The following NOP58 variants were observed in gnomAD, a reference collection of about 807,000 sequenced individuals.
NOP58 encodes the protein NOP58 ribonucleoprotein.
NOP58 carries 44 observed loss-of-function variants against 71.2 expected under a neutral mutation model. The observed-to-expected ratio is 0.62, with a 90% CI of 0.49 to 0.79. The LOEUF is 0.79. Among genes scored for constraint, NOP58 ranks in the 30% least tolerant of loss-of-function variants. The probability of loss-of-function intolerance (pLI) is 0.00; values close to 1 mark genes in which losing one functional copy is unlikely to be tolerated. For missense variants in NOP58, 538 were observed against 620.2 expected (o/e 0.87, Z 1.41); for synonymous variants, 228 against 200.3 (o/e 1.14, Z -1.17).
At chr2:202,267,822 A>G (rs1341551732) in intron 1 of NOP58, among the ~76,000 whole-genome samples, 1 of 152,228 alleles carries the variant, frequency 6.6e-6, no homozygotes, top group Non-Finnish European at 1.5e-5. Flanking sequence ...ACTGATTTCT[A>G]TTAATGAAAA....
intron 5 of NOP58, among the ~76,000 whole-genome samples, chr2:202,285,051 G>GT (rs534126649): frequency 2.9e-4 from 44 of 151,642 alleles, no homozygotes; most frequent in South Asian, 4.2e-4. Context: ...TTTTTGTTTT[G>GT]TTTTTTTTGA....
chr2:202,302,236 C>T (rs925040867), intron 13 of NOP58, among the ~76,000 whole-genome samples: 1 of 151,856 alleles, frequency 6.6e-6, no homozygotes, highest in African/African-American at 2.4e-5. Context: ...TACAGGCATG[C>T]ACCACCATGC....
rs563589093 is a variant in NOP58 at position 202,272,446 on chromosome 2, G to A, written c.46-2667G>A. On this transcript the variant is annotated intron_variant, in intron 1 of 14. Transcript: ENST00000264279. ...TGGGATTACAGGCATGAGCCACCGTGCCCAGCCTGTATAAATTTAATCACA... is the reference window on the plus strand; with the variant it reads ...TGGGATTACAGGCATGAGCCACCGTACCCAGCCTGTATAAATTTAATCACA... 9.2e-4 allele frequency among the ~76,000 whole-genome samples: 140 copies of A among 152,250 alleles called. 1 individual carries two copies. Among genetic ancestry groups the A allele is most frequent in the African/African-American group, 3.2e-3 (132 of 41,548 alleles).
At chr2:202,291,302 G>C in intron 8 of NOP58, 32 bp downstream of exon 8, 1 of 1,561,424 alleles carries the variant, frequency 6.4e-7, no homozygotes. Flanking sequence ...TCTAGTTGTG[G>C]TGTTACCAGC....
intron 1 of NOP58, among the ~76,000 whole-genome samples, chr2:202,268,246 T>C (rs1006191384): frequency 3.9e-5 from 6 of 152,148 alleles, no homozygotes; most frequent in Admixed American, 1.3e-4. Flanking sequence ...TATAAAATTA[T>C]GTTGGTTGCC....
At chr2:202,269,052 G>A (rs1163859163) in intron 1 of NOP58, among the ~76,000 whole-genome samples, 1 of 151,916 alleles carries the variant, frequency 6.6e-6, no homozygotes, top group East Asian at 1.9e-4. Context: ...TGCAGTGGCA[G>A]GATCATGGCT....
At chr2:202,266,330 C>G (rs1465936806) in intron 1 of NOP58, among the ~76,000 whole-genome samples, 1 of 150,632 alleles carries the variant, frequency 6.6e-6, no homozygotes, top group Non-Finnish European at 1.5e-5. Context: ...TGGAGTTTCG[C>G]TCTTGTTGCC....
intron 12 of NOP58, among the ~76,000 whole-genome samples, chr2:202,298,952 ATTTTTTTTTTTTTT>A (rs3043921): frequency 1.2e-5 from 1 of 81,436 alleles, no homozygotes; most frequent in Admixed American, 1.4e-4. Context: ...ATCCTTCAAG[ATTTTTTTTTTTTTT>A]TTTTTTTTTT....
chr2:202,267,195 T>G (rs1224146616), intron 1 of NOP58, among the ~76,000 whole-genome samples: 1 of 152,140 alleles, frequency 6.6e-6, no homozygotes, highest in Admixed American at 6.6e-5. Flanking sequence ...AATAAAGTTT[T>G]TATGTATATT....
rs571972027 is a variant in NOP58 at position 202,281,662 on chromosome 2, A to T, written c.176-689A>T. ...GCCGTGTTGGCCAGGCTGGTGGTAC[A>T]CACCACCATGCCTGGGTAACCCAAG... On this transcript the variant is annotated intron_variant, in intron 3 of 14. Transcript: ENST00000264279. 9.3e-4 allele frequency among the ~76,000 whole-genome samples: 141 copies of T among 152,310 alleles called. 1 individual carries two copies. The highest frequency in any genetic ancestry group is 3.2e-3 in the African/African-American group (133 of 41,576).
Position 202,284,350 on chromosome 2 carries a change from G to A in NOP58, c.303G>A (p.Lys101=), listed in dbSNP as rs775270082. The change falls in exon 5 of 15, where the codon AAG becomes AAA. Residue 101 remains lysine (K), a synonymous_variant. Transcript: ENST00000264279. ...AGATGTTCATGTTCTTGTAGGAAAAGCTGAATCTCAGTTGTATCCATAGTC... is the reference window on the plus strand; with the variant it reads ...AGATGTTCATGTTCTTGTAGGAAAAACTGAATCTCAGTTGTATCCATAGTC... ...DAKLGGVIKE[K]LNLSCIHSPV... is the part of the protein sequence containing the mutation. 5.6e-6 allele frequency: 9 copies of A among 1,600,670 alleles called. No homozygotes were observed. The South Asian group carries it at 1.0e-4, about 18-fold the overall frequency.
At chr2:202,276,258 T>G (rs1474571570) in intron 2 of NOP58, among the ~76,000 whole-genome samples, 3 of 151,366 alleles carry the variant, frequency 2.0e-5, no homozygotes, top group Non-Finnish European at 4.4e-5. Flanking sequence ...GAAAATCCCT[T>G]GAGCCTGGGA....
At chr2:202,285,867 C>T (rs1688776832) in intron 5 of NOP58, among the ~76,000 whole-genome samples, 1 of 152,040 alleles carries the variant, frequency 6.6e-6, no homozygotes, top group African/African-American at 2.4e-5. Flanking sequence ...AAATTATTAC[C>T]ACAGTTCAAA....
intron 9 of NOP58, 102 bp downstream of exon 9, chr2:202,293,005 T>G (rs371535224): frequency 1.3e-4 from 160 of 1,243,762 alleles, no homozygotes; most frequent in Non-Finnish European, 1.7e-4. Context: ...AAATTTTAGC[T>G]GATAACACAA....
rs765593697 is a variant in NOP58 at position 202,297,454 on chromosome 2, A to G, written c.1147A>G (p.Met383Val). Residue 383 changes from methionine (M) to valine (V), a missense_variant, in exon 11 of 15, where the codon ATG (methionine) becomes GTG (valine). By Grantham distance (21) the Met-to-Val change is conservative. Coordinates refer to ENST00000264279, the MANE Select transcript of NOP58 (RefSeq NM_015934.5). ...TTTTGGTGAGGATTCAAGTTCTGCA[A>G]TGGGAGTTGAGAACAGAGCCAAATT... ...DAFGEDSSSA[M>V]GVENRAKLEA... 5.6e-6 allele frequency: 9 copies of G among 1,613,942 alleles called. No homozygotes were observed. Among genetic ancestry groups the G allele is most frequent in the African/African-American group, 1.3e-5 (1 of 74,932 alleles).
intron 12 of NOP58, chr2:202,299,970 G>A (rs1689064179): frequency 3.4e-6 from 1 of 296,194 alleles, no homozygotes; most frequent in South Asian, 4.6e-5. Flanking sequence ...GTGTTTTCCT[G>A]TACCATAGTA....
At chr2:202,298,373 G>A (rs761166712) in intron 12 of NOP58, among the ~76,000 whole-genome samples, 8 of 152,044 alleles carry the variant, frequency 5.3e-5, no homozygotes, top group Non-Finnish European at 7.4e-5. Flanking sequence ...TCACTCAGCC[G>A]GGCACAGTGG....
intron 2 of NOP58, among the ~76,000 whole-genome samples, chr2:202,277,449 G>T (rs1170641141): frequency 6.6e-6 from 1 of 151,918 alleles, no homozygotes; most frequent in Non-Finnish European, 1.5e-5. Flanking sequence ...CTGCACTCCA[G>T]CGTGGGTGAC....
intron 1 of NOP58, among the ~76,000 whole-genome samples, chr2:202,271,885 A>C (rs1014813418): frequency 2.0e-5 from 3 of 152,308 alleles, no homozygotes; most frequent in Middle Eastern, 6.8e-3. Flanking sequence ...TTGAAGCTGT[A>C]GTGACATAGG....
Sources: allele counts gnomAD v4.1 joint callset (sites outside exome capture counted in the v4.1 genomes callset), GRCh38; gene constraint gnomAD v4.1.1; transcripts MANE v1.5; gene names NCBI Gene and HGNC (gene_info 2026-07-23, HGNC 2026-07-21).